The following RSPO3 variants were observed in gnomAD, a reference collection of about 807,000 sequenced individuals.
RSPO3 encodes R-spondin-3.
A neutral mutation model predicts 36.5 loss-of-function variants in RSPO3; 17 were observed. The ratio of observed to expected loss-of-function variants is 0.47; its 90% CI spans 0.32 to 0.70. The LOEUF (loss-of-function observed/expected upper bound fraction) is 0.70. RSPO3 is among the 30% of genes least tolerant of loss of function. The pLI is 0.04. For missense variants in RSPO3, 294 were observed against 322.5 expected (o/e 0.91, Z 0.68); for synonymous variants, 108 against 107.0 (o/e 1.01, Z -0.06).
In RSPO3 at chr6:127,198,840, C is replaced by T. The variant is rs372720245; in HGVS notation, c.*2833C>T. Among the ~76,000 whole-genome samples the T allele has an allele frequency of 2.6e-5, 4 of 152,184 alleles. No homozygotes were observed. The highest frequency in any genetic ancestry group is 7.2e-5 in the African/African-American group (3 of 41,450). On this transcript the variant is annotated 3_prime_UTR_variant, in exon 5 of 5. Transcript: ENST00000356698. ...CTTTGTTTACTTCAGGGTGATGTCC[C>T]TGAGTCCTCATTAGTGACTGCGTCC...
In RSPO3 at chr6:127,167,760, A is replaced by G. The variant is rs1190954182; in HGVS notation, c.634+12322A>G. Among the ~76,000 whole-genome samples, 5 of 150,960 alleles carry G rather than the reference A, an allele frequency of 3.3e-5. No homozygotes were observed. The East Asian group carries it at 5.9e-4, about 18-fold the overall frequency. ...TATCTCCTAATGCTATCCCTCCCCC[A>G]TCCCCCCATCCCACAACAGGCCCCG... On this transcript the variant is annotated intron_variant, in intron 4 of 4. Coordinates refer to ENST00000356698, the MANE Select transcript of RSPO3 (RefSeq NM_032784.5).
chr6:127,191,710 G>A (rs964836110), intron 4 of RSPO3, among the ~76,000 whole-genome samples: 1 of 152,038 alleles, frequency 6.6e-6, no homozygotes, highest in African/African-American at 2.4e-5. Flanking sequence ...ATTACTTACA[G>A]CAATTTTCTG....
At chr6:127,168,879 TG>T (rs1354387645) in intron 4 of RSPO3, among the ~76,000 whole-genome samples, 2 of 152,112 alleles carry the variant, frequency 1.3e-5, no homozygotes, top group Non-Finnish European at 2.9e-5. Flanking sequence ...TTCTTGTTTT[TG>T]TCAGGTTTTT....
At chr6:127,189,423 C>A (rs1006240572) in intron 4 of RSPO3, among the ~76,000 whole-genome samples, 2 of 151,712 alleles carry the variant, frequency 1.3e-5, no homozygotes, top group Non-Finnish European at 2.9e-5. Flanking sequence ...AAGTGTGAGG[C>A]CAGCAAAGTA....
chr6:127,185,544 AAG>A (rs1775276029), intron 4 of RSPO3, among the ~76,000 whole-genome samples: 1 of 152,128 alleles, frequency 6.6e-6, no homozygotes, highest in African/African-American at 2.4e-5. Context: ...GTAGCTAATA[AAG>A]AGCTGAAAAC....
chr6:127,164,189 T>G (rs955694681), intron 4 of RSPO3, among the ~76,000 whole-genome samples: 2 of 152,038 alleles, frequency 1.3e-5, no homozygotes, highest in African/African-American at 2.4e-5. Context: ...GCAGAGGAAT[T>G]GGGGTCCTGA....
chr6:127,184,151 G>A (rs770197618), intron 4 of RSPO3, among the ~76,000 whole-genome samples: 26 of 151,956 alleles, frequency 1.7e-4, no homozygotes, highest in Non-Finnish European at 3.8e-4. Flanking sequence ...TTCAAGGTAA[G>A]ATTTGGGTAG....
intron 4 of RSPO3, among the ~76,000 whole-genome samples, chr6:127,177,281 G>T (rs1241903711): frequency 6.6e-6 from 1 of 151,840 alleles, no homozygotes; most frequent in Non-Finnish European, 1.5e-5. Flanking sequence ...TGAATTCCCA[G>T]CATTTCAAGC....
chr6:127,163,489 A>C (rs1774751497), intron 4 of RSPO3, among the ~76,000 whole-genome samples: 1 of 152,152 alleles, frequency 6.6e-6, no homozygotes, highest in African/African-American at 2.4e-5. Context: ...GTGAGTAAGT[A>C]GGCTATTATT....
At chr6:127,195,035 G>T (rs1397076828) in intron 4 of RSPO3, among the ~76,000 whole-genome samples, 1 of 152,044 alleles carries the variant, frequency 6.6e-6, no homozygotes, top group East Asian at 1.9e-4. Flanking sequence ...TATTATTTCT[G>T]CATTTGTTAT....
At chr6:127,187,889 A>C (rs1332888903) in intron 4 of RSPO3, among the ~76,000 whole-genome samples, 1 of 152,220 alleles carries the variant, frequency 6.6e-6, no homozygotes, top group African/African-American at 2.4e-5. Context: ...CTTTACTTTT[A>C]TAATGAGTAA....
intron 1 of RSPO3, among the ~76,000 whole-genome samples, chr6:127,129,047 T>A (rs1773998906): frequency 6.6e-6 from 1 of 152,086 alleles, no homozygotes; most frequent in South Asian, 2.1e-4. Context: ...GTCCTCCTTG[T>A]TTTTAGGGAA....
At chr6:127,178,917 A>G (rs1025879155) in intron 4 of RSPO3, among the ~76,000 whole-genome samples, 26 of 151,988 alleles carry the variant, frequency 1.7e-4, no homozygotes, top group African/African-American at 5.8e-4. Flanking sequence ...GAAGCGGTGA[A>G]CACCCAGAGG....
intron 1 of RSPO3, among the ~76,000 whole-genome samples, chr6:127,146,202 AAAACATAAAATTTT>A (rs1168792117): frequency 7.9e-5 from 12 of 152,182 alleles, no homozygotes; most frequent in Non-Finnish European, 1.6e-4. Context: ...TTCACTGATT[AAAACATAAAATTTT>A]ATTGCAAGTT....
At chr6:127,144,912 G>A (rs182984766) in intron 1 of RSPO3, among the ~76,000 whole-genome samples, 2 of 152,090 alleles carry the variant, frequency 1.3e-5, no homozygotes, top group East Asian at 3.9e-4. Flanking sequence ...GTGAGCCACC[G>A]TGCCAGGCCC....
chr6:127,184,156 G>A (rs1198478986), intron 4 of RSPO3, among the ~76,000 whole-genome samples: 2 of 151,878 alleles, frequency 1.3e-5, no homozygotes, highest in Non-Finnish European at 2.9e-5. Context: ...GGTAAGATTT[G>A]GGTAGGGAAG....
In RSPO3 at chr6:127,195,690, T is replaced by C. The variant is rs1301563764; in HGVS notation, c.635-133T>C. 2.6e-5 allele frequency: 16 copies of C among 613,142 alleles called. 1 individual carries two copies. Among genetic ancestry groups the C allele is most frequent in the South Asian group, 2.2e-4 (9 of 40,492 alleles). The allele number at this position is 613,142 out of a possible 1,614,324, so 38.0% of individuals were successfully genotyped here. On this transcript the variant is annotated intron_variant, in intron 4 of 4. Transcript: ENST00000356698. ...CACAGACTTAATAATAGTTGAATGA[T>C]TGAAATAGTAGATATTTAGTATCTA...
chr6:127,159,644 C>CTTTTTTTT (rs869033594), intron 4 of RSPO3, among the ~76,000 whole-genome samples: 5 of 123,284 alleles, frequency 4.1e-5, no homozygotes, highest in Non-Finnish European at 8.3e-5. Context: ...ATACATTCTC[C>CTTTTTTTT]TTTTTTTTTT....
At chr6:127,124,541 T>C (rs987049124) in intron 1 of RSPO3, among the ~76,000 whole-genome samples, 3 of 148,772 alleles carry the variant, frequency 2.0e-5, no homozygotes, top group Non-Finnish European at 4.5e-5. Context: ...TTTGAAAAAA[T>C]GTTGCATCAT....
Sources: allele counts gnomAD v4.1 joint callset (sites outside exome capture counted in the v4.1 genomes callset), GRCh38; gene constraint gnomAD v4.1.1; transcripts MANE v1.5; gene names NCBI Gene and HGNC (gene_info 2026-07-23, HGNC 2026-07-21).